Variants in TNRC6C observed in about 807,000 individuals in gnomAD.
TNRC6C encodes the protein trinucleotide repeat-containing gene 6C protein.
TNRC6C carries 20 observed loss-of-function variants against 153.7 expected under a neutral mutation model. That is an observed-to-expected ratio of 0.13 (90% CI 0.09 to 0.19). TNRC6C has a LOEUF of 0.19. TNRC6C is among the 10% of genes least tolerant of loss of function. TNRC6C has a pLI of 1.00. For synonymous variants in TNRC6C, 811 were observed against 841.4 expected, an observed-to-expected ratio of 0.96 and a Z score of 0.63; for missense variants, 1,987 against 2,172.0, an observed-to-expected ratio of 0.91 and a Z score of 1.69.
At chr17:78,025,020 C>A (rs1334162481) in intron 1 of TNRC6C, among the ~76,000 whole-genome samples, 1 of 151,398 alleles carries the variant, frequency 6.6e-6, no homozygotes, top group Non-Finnish European at 1.5e-5. Flanking sequence ...TCTCAAACTC[C>A]TGACAGGTGA....
chr17:77,974,958 G>T (rs926549485), intron 1 of TNRC6C, among the ~76,000 whole-genome samples: 1 of 152,120 alleles, frequency 6.6e-6, no homozygotes, highest in African/African-American at 2.4e-5. Flanking sequence ...AAAACAATTT[G>T]CAAAACAAAT....
At chr17:78,055,095 C>T (rs1028832423) in intron 3 of TNRC6C, among the ~76,000 whole-genome samples, 35 of 152,244 alleles carry the variant, frequency 2.3e-4, no homozygotes, top group East Asian at 7.7e-4. Context: ...GAACACTGTA[C>T]GCTTAGGCCA....
At chr17:78,071,223 A>G (rs375169048) in intron 6 of TNRC6C, 58 bp downstream of exon 8, 8 of 1,501,590 alleles carry the variant, frequency 5.3e-6, no homozygotes, top group Non-Finnish European at 6.4e-6. Flanking sequence ...AAATGCCCTC[A>G]TTGTTTCCTC....
intron 1 of TNRC6C, among the ~76,000 whole-genome samples, chr17:77,961,368 C>T (rs1010379537): frequency 1.3e-5 from 2 of 152,166 alleles, no homozygotes; most frequent in Admixed American, 1.3e-4. Context: ...GTTGGCCAGG[C>T]TGGTCTCGAA....
intron 2 of TNRC6C, among the ~76,000 whole-genome samples, chr17:78,042,380 C>T (rs932020990): frequency 2.0e-5 from 3 of 152,114 alleles, no homozygotes; most frequent in Non-Finnish European, 2.9e-5. Context: ...AAACCCTGGC[C>T]ACTTAGCCTC....
intron 1 of TNRC6C, among the ~76,000 whole-genome samples, chr17:77,986,735 C>T (rs887432189): frequency 1.3e-5 from 2 of 152,010 alleles, no homozygotes; most frequent in African/African-American, 4.8e-5. Flanking sequence ...ATTAATGGAG[C>T]AGAATGGTCT....
intron 5 of TNRC6C, among the ~76,000 whole-genome samples, chr17:78,069,009 C>CA (rs758146650): frequency 1.3e-5 from 2 of 152,058 alleles, no homozygotes; most frequent in African/African-American, 2.4e-5. Context: ...ATTTTGGACT[C>CA]AGAGAGGCCT....
At chr17:78,013,382 C>T (rs2071670125) in intron 1 of TNRC6C, among the ~76,000 whole-genome samples, 1 of 152,152 alleles carries the variant, frequency 6.6e-6, no homozygotes, top group Admixed American at 6.5e-5. Context: ...GGTCAGACTC[C>T]AGCTTACTAG....
intron 1 of TNRC6C, among the ~76,000 whole-genome samples, chr17:77,990,200 G>T (rs1881938414): frequency 6.6e-6 from 1 of 152,156 alleles, no homozygotes; most frequent in African/African-American, 2.4e-5. Flanking sequence ...TGCATCCCCA[G>T]ATCTAAACTA....
chr17:77,997,905 C>T (rs1286405920), intron 1 of TNRC6C, among the ~76,000 whole-genome samples: 5 of 152,180 alleles, frequency 3.3e-5, no homozygotes, highest in African/African-American at 4.8e-5. Flanking sequence ...CCACCCACCT[C>T]GGCCTCCCAA....
chr17:78,092,737 A>T (rs559078360), intron 14 of TNRC6C, among the ~76,000 whole-genome samples, 196 bp from the exon 17 acceptor site: 3 of 152,258 alleles, frequency 2.0e-5, no homozygotes, highest in South Asian at 2.1e-4. Context: ...TTGTCTCAAA[A>T]AAATAAATAA....
intron 1 of TNRC6C, among the ~76,000 whole-genome samples, chr17:77,962,572 C>G (rs141545385): frequency 1.4e-4 from 22 of 152,290 alleles, no homozygotes; most frequent in African/African-American, 5.1e-4. Context: ...GTCCTTGGAG[C>G]TGGCAGAAGG....
At chr17:77,977,313 T>C (rs910962087) in intron 1 of TNRC6C, among the ~76,000 whole-genome samples, 1 of 152,180 alleles carries the variant, frequency 6.6e-6, no homozygotes, top group East Asian at 1.9e-4. Flanking sequence ...TGGTATAAAT[T>C]TTCTCTACAA....
intron 1 of TNRC6C, among the ~76,000 whole-genome samples, chr17:78,009,446 T>G (rs922511754): frequency 6.6e-6 from 1 of 152,232 alleles, no homozygotes; most frequent in African/African-American, 2.4e-5. Flanking sequence ...TTTGTTTAAC[T>G]TCATAAAGTA....
At chr17:77,975,875 A>C (rs1053818092) in intron 1 of TNRC6C, among the ~76,000 whole-genome samples, 14 of 152,238 alleles carry the variant, frequency 9.2e-5, no homozygotes, top group Admixed American at 8.5e-4. Flanking sequence ...ATGCATCTTT[A>C]TGAAAAATGT....
intron 6 of TNRC6C, among the ~76,000 whole-genome samples, chr17:78,072,105 A>G (rs2073008285): frequency 6.6e-6 from 1 of 152,252 alleles, no homozygotes; most frequent in Non-Finnish European, 1.5e-5. Flanking sequence ...AATGGCCTCC[A>G]TGTAGCGGAG....
At chr17:77,960,459 G>T (rs775053985) in intron 1 of TNRC6C, among the ~76,000 whole-genome samples, 1 of 152,188 alleles carries the variant, frequency 6.6e-6, no homozygotes, top group Non-Finnish European at 1.5e-5. Flanking sequence ...CCTGCATAAG[G>T]CCTACTTTAT....
At chr17:78,076,227 G>GA (rs1352061055) in intron 8 of TNRC6C, among the ~76,000 whole-genome samples, 1 of 132,382 alleles carries the variant, frequency 7.6e-6, no homozygotes, top group Non-Finnish European at 1.6e-5. Context: ...AAAAAAAAAA[G>GA]AAAAAGAAAA....
At chr17:78,101,132 AC>A (rs1468481258) in intron 17 of TNRC6C, among the ~76,000 whole-genome samples, 1 of 152,172 alleles carries the variant, frequency 6.6e-6, no homozygotes, top group African/African-American at 2.4e-5. Flanking sequence ...TTTTAGCAGC[AC>A]CCAAGTCACC....
Sources: gnomAD v4.1 joint callset for allele counts (sites outside exome capture counted in the v4.1 genomes callset) on GRCh38, gnomAD v4.1.1 for gene constraint, MANE v1.5 for transcripts, NCBI Gene and HGNC (gene_info 2026-07-23, HGNC 2026-07-21) for gene names.